CSF1R: variants seen among roughly 807,000 people sequenced by gnomAD.
The protein encoded by CSF1R is macrophage colony-stimulating factor 1 receptor.
In CSF1R, 40 loss-of-function variants were observed where a neutral mutation model predicts 110.0. That is an observed-to-expected ratio of 0.36 (90% CI 0.28 to 0.47). The LOEUF (loss-of-function observed/expected upper bound fraction) is 0.47. CSF1R is among the 20% of genes least tolerant of loss of function. The probability of loss-of-function intolerance (pLI) is 0.99; values close to 1 mark genes in which losing one functional copy is unlikely to be tolerated. For missense variants in CSF1R, 1,052 were observed against 1,253.0 expected (o/e 0.84, Z 2.42); for synonymous variants, 523 against 503.4 (o/e 1.04, Z -0.52).
At chr5:150,100,367 G>A (rs1382509832) in intron 1 of CSF1R, among the ~76,000 whole-genome samples, 1 of 130,072 alleles carries the variant, frequency 7.7e-6, no homozygotes, top group Non-Finnish European at 1.6e-5. Flanking sequence ...GCCCAATCTC[G>A]GCTCACTGCA....
chr5:150,097,637 T>C (rs1166576027), intron 1 of CSF1R, among the ~76,000 whole-genome samples: 2 of 152,176 alleles, frequency 1.3e-5, no homozygotes, highest in African/African-American at 2.4e-5. Flanking sequence ...ATTTATTTTT[T>C]ACAAATACTA....
chr5:150,106,618 G>A (rs568804278), intron 1 of CSF1R, among the ~76,000 whole-genome samples: 2 of 152,284 alleles, frequency 1.3e-5, no homozygotes, highest in African/African-American at 4.8e-5. Context: ...GTCTGAATTG[G>A]AGTACTATGG....
chr5:150,069,829 G>GGGGC (rs1349048069), intron 9 of CSF1R, 44 bp downstream of exon 9: 1 of 1,208,818 alleles, frequency 8.3e-7, no homozygotes, highest in Non-Finnish European at 1.1e-6. Context: ...GCAGGGGCGG[G>GGGGC]GGGCGGGCGG....
In CSF1R at chr5:150,057,505, T is replaced by G; in HGVS notation, c.2220A>C (p.Gln740His). The change falls in exon 15 of 21, where the codon CAA (glutamine) becomes CAC (histidine). Residue 740 changes from glutamine (Q) to histidine (H), a missense_variant and splice_region_variant. Gln to His is a conservative substitution (Grantham distance 24, BLOSUM62 0). This residue lies in a region of CSF1R where 124 missense variants were observed against 117.7 expected (regional missense o/e 1.05). Transcript: ENST00000675795. ...STSSNDSFSEQDLDKEDGRPL... is the reference protein window; with the variant it reads ...STSSNDSFSEHDLDKEDGRPL... ...GGCCTGGCCCTGGGACCTCCTCACCTTGCTCAGAGAAGGAGTCATTTGAAG... is the reference window on the plus strand; with the variant it reads ...GGCCTGGCCCTGGGACCTCCTCACCGTGCTCAGAGAAGGAGTCATTTGAAG... 6.2e-7 allele frequency: 1 copy of G among 1,614,028 alleles called. No individual in the cohort carries two copies. Among genetic ancestry groups the G allele is most frequent in the Admixed American group, 1.7e-5 (1 of 60,026 alleles).
intron 3 of CSF1R, among the ~76,000 whole-genome samples, chr5:150,079,389 C>T (rs965285546): frequency 6.6e-6 from 1 of 152,234 alleles, no homozygotes; most frequent in African/African-American, 2.4e-5. Context: ...GTCCTGCTTG[C>T]TCTCACCAGT....
intron 5 of CSF1R, among the ~76,000 whole-genome samples, chr5:150,075,407 A>C (rs1581314550): frequency 6.7e-6 from 1 of 150,320 alleles, no homozygotes; most frequent in African/African-American, 2.5e-5. Context: ...TTTTTTTCTC[A>C]CTCTCTCCCC....
chr5:150,077,964 C>T (rs1052623718), intron 4 of CSF1R, 148 bp downstream of exon 4: 54 of 837,262 alleles, frequency 6.4e-5, no homozygotes, highest in East Asian at 1.4e-4. Flanking sequence ...AGTGAGATCT[C>T]GGGTGAGTCT....
At chr5:150,110,810 C>T (rs923263811) in intron 1 of CSF1R, among the ~76,000 whole-genome samples, 7 of 151,836 alleles carry the variant, frequency 4.6e-5, no homozygotes, top group African/African-American at 1.7e-4. Flanking sequence ...CTGCATTTAA[C>T]ATATAAAAAT....
In CSF1R at chr5:150,073,148, C is replaced by T. The variant is rs544779303; in HGVS notation, c.1082+153G>A. ...AACACAGATGACCAATATTGGGATTCCATGAAGTCAGGGAAAGCGAAGCCC... is the reference window on the plus strand; with the variant it reads ...AACACAGATGACCAATATTGGGATTTCATGAAGTCAGGGAAAGCGAAGCCC... On this transcript the variant is annotated intron_variant, in intron 6 of 20. Coordinates refer to ENST00000675795, the MANE Select transcript of CSF1R (RefSeq NM_001288705.3). 1.7e-4 allele frequency among the ~76,000 whole-genome samples: 26 copies of T among 152,292 alleles called. No individual in the cohort carries two copies. The South Asian group carries it at 4.6e-3, about 27-fold the overall frequency.
rs189317966 is a variant in CSF1R at position 150,104,624 on chromosome 5, A to C, written c.-181+8637T>G. On this transcript the variant is annotated intron_variant, in intron 1 of 21. Transcript: ENST00000286301. ...AACTCTAGAGGTAGGTGTGGTTATTATCCTTGTTTTACTGAAGAGCAAACC... is the reference window on the plus strand; with the variant it reads ...AACTCTAGAGGTAGGTGTGGTTATTCTCCTTGTTTTACTGAAGAGCAAACC... Among the ~76,000 whole-genome samples the C allele has an allele frequency of 3.3e-5, 5 of 152,328 alleles. No individual in the cohort carries two copies. The South Asian group carries it at 6.2e-4, about 19-fold the overall frequency.
intron 9 of CSF1R, 27 bp downstream of exon 9, chr5:150,069,846 G>T (rs370371167): frequency 6.4e-7 from 1 of 1,552,740 alleles, no homozygotes; most frequent in East Asian, 2.3e-5. Context: ...GCGGGGGGGC[G>T]GTGCGGGTGC....
chr5:150,100,457 C>A (rs1759372766), intron 1 of CSF1R, among the ~76,000 whole-genome samples: 1 of 151,888 alleles, frequency 6.6e-6, no homozygotes, highest in Admixed American at 6.6e-5. Context: ...GCCACCACGC[C>A]CAGCTAATTT....
At chr5:150,062,914 A>G (rs754426120) in intron 10 of CSF1R, among the ~76,000 whole-genome samples, 8 of 152,140 alleles carry the variant, frequency 5.3e-5, no homozygotes, top group Non-Finnish European at 8.8e-5. Flanking sequence ...TGATCCTGGC[A>G]AGTTTGAGCT....
At position 150,062,273 on chromosome 5, in the gene CSF1R, A is replaced by G. The variant is rs1757566628; in HGVS notation, c.1627-424T>C. 3.3e-5 allele frequency among the ~76,000 whole-genome samples: 4 copies of G among 122,070 alleles called. 1 individual carries two copies. The Admixed American group carries it at 4.3e-4, about 13-fold the overall frequency. The allele number at this position is 122,070 out of a possible 152,430, so 80.1% of individuals were successfully genotyped here. A position where few individuals can be genotyped will look rare whatever the true frequency, so the allele number is the denominator to read the frequency against. On this transcript the variant is annotated intron_variant, in intron 10 of 20. Transcript: ENST00000675795. ...AATATATATATATATTTTAATTGTG[A>G]TAAAACATACATGAAATTTACCATT...
intron 1 of CSF1R, among the ~76,000 whole-genome samples, chr5:150,112,524 G>C (rs746344474): frequency 3.3e-5 from 5 of 152,256 alleles, no homozygotes; most frequent in Non-Finnish European, 7.3e-5. Context: ...AGGGAGCTGA[G>C]ATCTTCTGAC....
intron 1 of CSF1R, among the ~76,000 whole-genome samples, chr5:150,109,920 C>G (rs189343802): frequency 1.6e-3 from 249 of 152,230 alleles, no homozygotes; most frequent in African/African-American, 5.8e-3. Flanking sequence ...TATAGTGAAC[C>G]CCAAGTTTCT....
Position 150,061,764 on chromosome 5 carries a change from TA to T in CSF1R, c.1711del (p.Tyr571ThrfsTer41), listed in dbSNP as rs1199247561. 1 of 1,614,212 alleles carries T rather than the reference TA, an allele frequency of 6.2e-7. No homozygotes were observed. Among genetic ancestry groups the T allele is most frequent in the Admixed American group, 1.7e-5 (1 of 60,028 alleles). On this transcript the variant is annotated frameshift_variant, in exon 11 of 21. Coordinates refer to ENST00000675795, the MANE Select transcript of CSF1R (RefSeq NM_001288705.3). LOFTEE classifies it high-confidence loss of function. Reference protein sequence around the residue: ...YTFIDPTQLPYNEKWEFPRNN... With the variant: ...YTFIDPTQLPXNEKWEFPRNN... Reference sequence around the variant, plus strand: ...CCGGGGGAACTCCCACTTCTCGTTGTAAGGCAGCTGCGTGGGGTCGATGAAA... The same window carrying T: ...CCGGGGGAACTCCCACTTCTCGTTGTAGGCAGCTGCGTGGGGTCGATGAAA...
upstream of CSF1R, among the ~76,000 whole-genome samples, chr5:150,087,943 C>T (rs1223190051): frequency 6.6e-6 from 1 of 152,126 alleles, no homozygotes; most frequent in African/African-American, 2.4e-5. Context: ...ACCATGTTGT[C>T]CAGGCTGGTC....
intron 1 of CSF1R, among the ~76,000 whole-genome samples, chr5:150,112,267 T>C (rs1484583127): frequency 6.6e-6 from 1 of 152,206 alleles, no homozygotes; most frequent in Non-Finnish European, 1.5e-5. Context: ...CAGCTTGGAC[T>C]GGTGTCTCAT....
Sources: allele counts gnomAD v4.1 joint callset (sites outside exome capture counted in the v4.1 genomes callset), GRCh38; gene constraint gnomAD v4.1.1; regional missense constraint gnomAD v4.1.1; transcripts MANE v1.5; gene names NCBI Gene and HGNC (gene_info 2026-07-23, HGNC 2026-07-21).